Variants in NXPE2 observed in about 807,000 individuals in gnomAD.
The protein encoded by NXPE2 is neurexophilin and PC-esterase domain family member 2.
A neutral mutation model predicts 34.4 loss-of-function variants in NXPE2; 34 were observed. The observed-to-expected ratio is 0.99, with a 90% CI of 0.75 to 1.31. NXPE2 has a LOEUF of 1.31. Ranked by LOEUF, NXPE2 falls within the 40% of genes most tolerant of loss-of-function variation. NXPE2 has a pLI of 0.00. For synonymous variants in NXPE2, 235 were observed against 231.3 expected (o/e 1.02, Z -0.15); for missense variants, 649 against 672.5 (o/e 0.97, Z 0.39).
the NXPE2 span, among the ~76,000 whole-genome samples, chr11:114,605,425 C>T: frequency 6.6e-6 from 1 of 151,698 alleles, no homozygotes; most frequent in Non-Finnish European, 1.5e-5. Flanking sequence ...AGTATTGCCT[C>T]GTGCGTAACC....
the NXPE2 span, among the ~76,000 whole-genome samples, chr11:114,735,397 C>T: frequency 2.3e-3 from 356 of 152,188 alleles, 2 homozygotes; most frequent in African/African-American, 8.2e-3. Flanking sequence ...TTCTCCCTCT[C>T]AAATAAACCA....
At chr11:114,800,203 C>T in the NXPE2 span, among the ~76,000 whole-genome samples, 1 of 152,136 alleles carries the variant, frequency 6.6e-6, no homozygotes, top group Admixed American at 6.5e-5. Context: ...ATCTTTACCC[C>T]CAAAATTGCA....
the NXPE2 span, among the ~76,000 whole-genome samples, chr11:114,604,651 G>A: frequency 2.6e-5 from 4 of 151,740 alleles, no homozygotes; most frequent in Admixed American, 2.6e-4. Flanking sequence ...CTGTTACCCG[G>A]TGGATAATAA....
chr11:114,474,356 C>CAG, the NXPE2 span, among the ~76,000 whole-genome samples: 1 of 152,114 alleles, frequency 6.6e-6, no homozygotes, highest in African/African-American at 2.4e-5. Context: ...ATTTAGGTGT[C>CAG]AGAGAGAGTA....
chr11:114,477,304 T>A, the NXPE2 span, among the ~76,000 whole-genome samples: 8 of 152,152 alleles, frequency 5.3e-5, no homozygotes, highest in African/African-American at 1.2e-4. Flanking sequence ...AGATGGTGAC[T>A]ATAGTTAATA....
the NXPE2 span, among the ~76,000 whole-genome samples, chr11:114,596,841 G>A: frequency 6.6e-6 from 1 of 152,220 alleles, no homozygotes; most frequent in African/African-American, 2.4e-5. Context: ...GAAATCTAAT[G>A]TTAACCTGGA....
chr11:114,646,439 T>C, the NXPE2 span, among the ~76,000 whole-genome samples: 1 of 152,128 alleles, frequency 6.6e-6, no homozygotes, highest in South Asian at 2.1e-4. Context: ...TTTTCTGTTA[T>C]GAAAACATTC....
At chr11:114,591,164 T>C in the NXPE2 span, among the ~76,000 whole-genome samples, 1 of 152,224 alleles carries the variant, frequency 6.6e-6, no homozygotes, top group Non-Finnish European at 1.5e-5. Context: ...AATGATGTTA[T>C]TGAAAGTGCA....
the NXPE2 span, among the ~76,000 whole-genome samples, chr11:114,641,053 AAAG>A: frequency 0.019 from 2,853 of 152,144 alleles, 89 homozygotes; most frequent in African/African-American, 0.065. Flanking sequence ...AAGACATCAG[AAAG>A]AAGAACCAGT....
At chr11:114,627,358 C>A in the NXPE2 span, among the ~76,000 whole-genome samples, 37 of 152,034 alleles carry the variant, frequency 2.4e-4, no homozygotes, top group Admixed American at 1.3e-3. Flanking sequence ...GAGTGGGGAC[C>A]AATATTCAAC....
chr11:114,787,052 C>T, the NXPE2 span, among the ~76,000 whole-genome samples: 10 of 152,158 alleles, frequency 6.6e-5, no homozygotes, highest in South Asian at 2.1e-4. Context: ...TGCTGCCGCC[C>T]GCAGCTCCCT....
the NXPE2 span, chr11:114,571,580 A>C: frequency 3.8e-6 from 4 of 1,051,746 alleles, no homozygotes; most frequent in Non-Finnish European, 5.5e-6. Flanking sequence ...TAAGCTAATC[A>C]TGTCTAATTT....
chr11:114,577,127 TTA>T, the NXPE2 span, among the ~76,000 whole-genome samples: 76 of 138,508 alleles, frequency 5.5e-4, no homozygotes, highest in African/African-American at 1.9e-3. Context: ...ATATATAAAG[TTA>T]TATATATATA....
the NXPE2 span, among the ~76,000 whole-genome samples, chr11:114,632,107 T>C: frequency 1.4e-5 from 2 of 144,668 alleles, no homozygotes; most frequent in African/African-American, 5.0e-5. Flanking sequence ...TAATGTAATA[T>C]ATAAATTATA....
At chr11:114,496,891 A>G in the NXPE2 span, among the ~76,000 whole-genome samples, 1 of 152,202 alleles carries the variant, frequency 6.6e-6, no homozygotes, top group African/African-American at 2.4e-5. Flanking sequence ...GCTGGTGTAA[A>G]CAAACCTGTG....
the NXPE2 span, among the ~76,000 whole-genome samples, chr11:114,633,585 G>T: frequency 4.6e-5 from 7 of 151,370 alleles, no homozygotes; most frequent in Admixed American, 4.6e-4. Context: ...TTAGCATTAG[G>T]TATATCTCAT....
the NXPE2 span, among the ~76,000 whole-genome samples, chr11:114,782,064 T>G: frequency 6.6e-6 from 1 of 152,218 alleles, no homozygotes; most frequent in Admixed American, 6.5e-5. Flanking sequence ...ACACTTTAAA[T>G]CATCTCTAGA....
the NXPE2 span, chr11:114,530,970 A>G: frequency 2.8e-6 from 4 of 1,436,108 alleles, no homozygotes; most frequent in Admixed American, 5.0e-5. Context: ...TTTACTTATT[A>G]TGAGTTTGAA....
the NXPE2 span, among the ~76,000 whole-genome samples, chr11:114,601,804 A>G: frequency 1.3e-5 from 1 of 74,624 alleles, no homozygotes; most frequent in Non-Finnish European, 2.3e-5. Flanking sequence ...ATATGATTAT[A>G]TATTATATAA....
Sources: gnomAD v4.1 joint callset for allele counts (sites outside exome capture counted in the v4.1 genomes callset) on GRCh38, gnomAD v4.1.1 for gene constraint, MANE v1.5 for transcripts, NCBI Gene and HGNC (gene_info 2026-07-23, HGNC 2026-07-21) for gene names.